PRUNE2: variants seen among roughly 807,000 people sequenced by gnomAD.
PRUNE2 encodes the protein prune homolog 2 with BCH domain.
PRUNE2 carries 164 observed loss-of-function variants against 252.0 expected under a neutral mutation model. That is an observed-to-expected ratio of 0.65 (90% CI 0.57 to 0.74). The LOEUF is 0.74. PRUNE2 is among the 30% of genes least tolerant of loss of function. The probability of loss-of-function intolerance (pLI) is 0.00; values close to 1 mark genes in which losing one functional copy is unlikely to be tolerated. For missense variants in PRUNE2, 3,495 were observed against 3,711.0 expected, an observed-to-expected ratio of 0.94 and a Z score of 1.51; for synonymous variants, 1,292 against 1,350.2, an observed-to-expected ratio of 0.96 and a Z score of 0.94.
At chr9:76,806,730 G>A (rs1291334278) in intron 6 of PRUNE2, among the ~76,000 whole-genome samples, 1 of 149,660 alleles carries the variant, frequency 6.7e-6, no homozygotes, top group East Asian at 2.0e-4. Context: ...GTGTTAGCCA[G>A]GATGGTCTCA....
intron 8 of PRUNE2, 115 bp from the exon 9 acceptor site, chr9:76,704,214 A>T (rs752960556): frequency 4.2e-6 from 2 of 479,844 alleles, no homozygotes; most frequent in Non-Finnish European, 6.5e-6. Flanking sequence ...TTTTTTATAT[A>T]TTTTATTTAT....
chr9:76,843,249 T>C (rs2132393837), intron 4 of PRUNE2, among the ~76,000 whole-genome samples: 1 of 152,156 alleles, frequency 6.6e-6, no homozygotes, highest in Admixed American at 6.6e-5. Flanking sequence ...CCACATGTTC[T>C]CACTCATAAG....
At chr9:76,632,261 A>G (rs887930438) in intron 15 of PRUNE2, among the ~76,000 whole-genome samples, 6 of 152,210 alleles carry the variant, frequency 3.9e-5, no homozygotes, top group African/African-American at 1.4e-4. Context: ...CTTGCCATAT[A>G]CCTCTATCAT....
rs1286143216 is a variant in PRUNE2 at position 76,708,790 on chromosome 9, C to T, written c.3484G>A (p.Glu1162Lys). The T allele has an allele frequency of 3.7e-6, 6 of 1,613,898 alleles. No individual in the cohort carries two copies. The highest frequency in any genetic ancestry group is 3.3e-5 in the South Asian group (3 of 91,078). The change falls in exon 8 of 19, where the codon GAG becomes AAG. Residue 1162 changes from glutamate (E) to lysine (K), a missense_variant. Transcript: ENST00000376718. ...QTEGYMAEGS[E>K]PETRFTVRQL... ...CTCACTGTAAATCGGGTTTCCGGCTCGGAACCTTCAGCCATGTATCCTTCT... is the reference window on the plus strand; with the variant it reads ...CTCACTGTAAATCGGGTTTCCGGCTTGGAACCTTCAGCCATGTATCCTTCT...
intron 6 of PRUNE2, among the ~76,000 whole-genome samples, chr9:76,800,962 C>A (rs1286620055): frequency 1.3e-5 from 2 of 152,204 alleles, no homozygotes; most frequent in Non-Finnish European, 2.9e-5. Flanking sequence ...AGAATAACAA[C>A]CTCCAAATGA....
chr9:76,850,619 C>G lies in PRUNE2; in HGVS notation c.188G>C (p.Arg63Thr). The change falls in exon 3 of 19, where the codon AGA (arginine) becomes ACA (threonine). Residue 63 changes from arginine (R) to threonine (T), a missense_variant. Arg to Thr is a moderately conservative substitution (Grantham distance 71). Transcript: ENST00000376718. ...VLCLPVLNIP[R>T]TEFNYFTETR... The stretch of plus-strand genomic sequence containing the variant: ...CTCGGTGAAGTAGTTGAATTCAGTT[C>G]TTGGTATGTTCAGCACTGGTAAACA... 2 of 1,614,084 alleles carry G rather than the reference C, an allele frequency of 1.2e-6. No homozygotes were observed. The highest frequency in any genetic ancestry group is 1.3e-5 in the African/African-American group (1 of 75,028).
intron 9 of PRUNE2, among the ~76,000 whole-genome samples, chr9:76,678,349 CAAAAAAAAA>C (rs58096428): frequency 7.2e-5 from 6 of 83,116 alleles, no homozygotes; most frequent in East Asian, 3.9e-4. Flanking sequence ...GAGACTCCAT[CAAAAAAAAA>C]AAAAAAAAAA....
At position 76,710,170 on chromosome 9, in the gene PRUNE2, C is replaced by G. The variant is rs2134988725; in HGVS notation, c.2104G>C (p.Val702Leu). ...SSIDRRASDS[V>L]FQPKSLEFTK... is the part of the protein sequence containing the mutation. The stretch of plus-strand genomic sequence containing the variant: ...AATTCGAGGCTCTTTGGTTGAAATA[C>G]AGAATCTGAGGCTCTCCTATCAATG... The change falls in exon 8 of 19, where the codon GTA (valine) becomes CTA (leucine). Residue 702 changes from valine to leucine, a missense_variant. Val to Leu is a conservative substitution (Grantham distance 32, BLOSUM62 1). Transcript: ENST00000376718. 6.2e-7 allele frequency: 1 copy of G among 1,613,874 alleles called. No individual in the cohort carries two copies. Among genetic ancestry groups the G allele is most frequent in the East Asian group, 2.2e-5 (1 of 44,870 alleles).
chr9:76,870,227 T>A (rs2133051094), intron 1 of PRUNE2, among the ~76,000 whole-genome samples: 1 of 151,476 alleles, frequency 6.6e-6, no homozygotes, highest in South Asian at 2.1e-4. Flanking sequence ...GTAAAATAGG[T>A]CCTATTAAAT....
chr9:76,718,224 T>C (rs2047329563), intron 6 of PRUNE2, among the ~76,000 whole-genome samples: 1 of 152,216 alleles, frequency 6.6e-6, no homozygotes, highest in Non-Finnish European at 1.5e-5. Context: ...AGGCAGTCTT[T>C]ATGCTGTCTG....
intron 17 of PRUNE2, among the ~76,000 whole-genome samples, chr9:76,621,341 G>GA (rs1352649379): frequency 6.6e-6 from 1 of 152,160 alleles, no homozygotes; most frequent in Non-Finnish European, 1.5e-5. Flanking sequence ...AAAGGTAGTT[G>GA]AAAAAATGTT....
intron 14 of PRUNE2, among the ~76,000 whole-genome samples, chr9:76,636,972 AATGTGTGTGT>A (rs1307059822): frequency 2.7e-4 from 36 of 131,470 alleles, no homozygotes; most frequent in Middle Eastern, 3.5e-3. Flanking sequence ...CAACAACAAA[AATGTGTGTGT>A]GTGTGTGTGT....
chr9:76,714,815 A>G (rs1204173117), intron 6 of PRUNE2, among the ~76,000 whole-genome samples: 1 of 152,206 alleles, frequency 6.6e-6, no homozygotes, highest in Non-Finnish European at 1.5e-5. Flanking sequence ...GGCATATACT[A>G]GTTGTTCAAG....
At position 76,638,217 on chromosome 9, in the gene PRUNE2, C is replaced by G. The variant is rs1449066378; in HGVS notation, c.8800G>C (p.Asp2934His). ...AGATTTTCCATGACATAGTGGTAAT[C>G]CGCCCGACTGCTGTCTGGCAGAAAA... is the stretch of plus-strand genomic sequence containing the variant. Reference protein sequence around the residue: ...ACFLPDSSRADYHYVMENLFL... With the variant: ...ACFLPDSSRAHYHYVMENLFL... Residue 2934 changes from aspartate to histidine, a missense_variant, in exon 13 of 19, where the codon GAT becomes CAT. Asp to His is a moderately conservative substitution (Grantham distance 81). Transcript: ENST00000376718. The G allele has an allele frequency of 6.2e-7, 1 of 1,613,608 alleles. No homozygotes were observed. The highest frequency in any genetic ancestry group is 1.3e-5 in the African/African-American group (1 of 74,948).
At chr9:76,813,733 T>A (rs1454224290) in intron 6 of PRUNE2, among the ~76,000 whole-genome samples, 1 of 152,240 alleles carries the variant, frequency 6.6e-6, no homozygotes, top group African/African-American at 2.4e-5. Context: ...CTATGAGAAT[T>A]AATTGGTCTT....
chr9:76,774,465 T>TGTTTATTTA (rs761395945), intron 6 of PRUNE2, among the ~76,000 whole-genome samples: 1 of 136,864 alleles, frequency 7.3e-6, no homozygotes, highest in African/African-American at 2.8e-5. Context: ...TTTTTTTTTT[T>TGTTTATTTA]TTTTTTTTTT....
chr9:76,700,984 T>C (rs981231592), intron 9 of PRUNE2, among the ~76,000 whole-genome samples: 6 of 152,262 alleles, frequency 3.9e-5, no homozygotes, highest in Non-Finnish European at 8.8e-5. Context: ...ATTACACTGC[T>C]ATCTACCTTT....
At chr9:76,818,010 A>G (rs974865518) in intron 6 of PRUNE2, among the ~76,000 whole-genome samples, 7 of 152,198 alleles carry the variant, frequency 4.6e-5, no homozygotes, top group African/African-American at 1.7e-4. Flanking sequence ...ATATTTCAAT[A>G]TGCAAATCAT....
Position 76,711,004 on chromosome 9 carries a change from C to A in PRUNE2, c.1270G>T (p.Val424Phe). The A allele has an allele frequency of 1.2e-6, 2 of 1,613,452 alleles. No individual in the cohort carries two copies. The highest frequency in any genetic ancestry group is 1.7e-6 in the Non-Finnish European group (2 of 1,179,560). The change falls in exon 8 of 19, where the codon GTT becomes TTT. Residue 424 changes from valine (V) to phenylalanine (F), a missense_variant. Coordinates refer to ENST00000376718, the MANE Select transcript of PRUNE2 (RefSeq NM_015225.3). ...GTAGCCAGTCCGCTGTCTGGGCTAACAAGGTCTACATTGGCATCCACCTGA... is the reference window on the plus strand; with the variant it reads ...GTAGCCAGTCCGCTGTCTGGGCTAAAAAGGTCTACATTGGCATCCACCTGA... ...QAQVDANVDL[V>F]SPDSGLATIR...
Sources: allele counts gnomAD v4.1 joint callset (sites outside exome capture counted in the v4.1 genomes callset), GRCh38; gene constraint gnomAD v4.1.1; transcripts MANE v1.5; gene names NCBI Gene and HGNC (gene_info 2026-07-23, HGNC 2026-07-21).